SIM1: variants seen among roughly 807,000 people sequenced by gnomAD.
The protein encoded by SIM1 is single-minded homolog 1.
SIM1 carries 18 observed loss-of-function variants against 78.2 expected under a neutral mutation model. The ratio of observed to expected loss-of-function variants is 0.23; its 90% CI spans 0.16 to 0.34. SIM1 has a LOEUF of 0.34. Ranked by LOEUF, SIM1 falls within the 10% of genes least tolerant of loss-of-function variation. The pLI is 1.00. For missense variants in SIM1, 939 were observed against 975.1 expected (o/e 0.96, Z 0.49); for synonymous variants, 417 against 385.2 (o/e 1.08, Z -0.97).
intron 9 of SIM1, among the ~76,000 whole-genome samples, chr6:100,425,366 G>A (rs1362605941): frequency 6.6e-6 from 1 of 152,038 alleles, no homozygotes; most frequent in Non-Finnish European, 1.5e-5. Context: ...AAAATCTATT[G>A]CAGTATGGCC....
chr6:100,454,674 T>C (rs1772600988), intron 2 of SIM1, among the ~76,000 whole-genome samples: 1 of 152,172 alleles, frequency 6.6e-6, no homozygotes, highest in African/African-American at 2.4e-5. Context: ...CCTCTCTTTC[T>C]CTCCTTGGTG....
At chr6:100,406,898 T>C (rs967202802) in intron 10 of SIM1, among the ~76,000 whole-genome samples, 1 of 152,094 alleles carries the variant, frequency 6.6e-6, no homozygotes, top group Non-Finnish European at 1.5e-5. Context: ...TTATTAACTA[T>C]AGTCACCATG....
chr6:100,412,751 GA>G (rs1273434988), intron 10 of SIM1, among the ~76,000 whole-genome samples: 3 of 138,290 alleles, frequency 2.2e-5, no homozygotes, highest in Non-Finnish European at 4.7e-5. Context: ...AAGAAAGAAA[GA>G]AAAAAGAAAA....
intron 9 of SIM1, among the ~76,000 whole-genome samples, chr6:100,424,447 T>C (rs1771672512): frequency 6.6e-6 from 1 of 152,042 alleles, no homozygotes; most frequent in South Asian, 2.1e-4. Flanking sequence ...TCTGTTTTGT[T>C]TTGTTTGAGA....
In SIM1 at chr6:100,460,659, A is replaced by G. The variant is rs369161096; in HGVS notation, c.175+2635T>C. ...CGCCACTAGAAAAGATTACATCCATATAAAGTGATCAGTTTCCCCAACTGC... is the reference window on the plus strand; with the variant it reads ...CGCCACTAGAAAAGATTACATCCATGTAAAGTGATCAGTTTCCCCAACTGC... On this transcript the variant is annotated intron_variant, in intron 2 of 11. Coordinates refer to ENST00000369208, the MANE Select transcript of SIM1 (RefSeq NM_005068.3). 9.8e-5 allele frequency among the ~76,000 whole-genome samples: 15 copies of G among 152,300 alleles called. No homozygotes were observed. The South Asian group carries it at 3.1e-3, about 32-fold the overall frequency.
At position 100,463,674 on chromosome 6, in the gene SIM1, C is replaced by T. The variant is rs1287255697; in HGVS notation, c.-206G>A. 3 of 502,204 alleles carry T rather than the reference C, an allele frequency of 6.0e-6. No homozygotes were observed. The highest frequency in any genetic ancestry group is 3.1e-5 in the East Asian group (1 of 32,138). 31.1% of individuals were successfully genotyped at this position (502,204 alleles called of 1,614,324 possible). On this transcript the variant is annotated 5_prime_UTR_variant, in exon 2 of 12. Transcript: ENST00000369208. ...ACGGAAAATATGTTCTTTGAAAATTCGGGATGCAGTATAGGAAAGTTGCTG... is the reference window on the plus strand; with the variant it reads ...ACGGAAAATATGTTCTTTGAAAATTTGGGATGCAGTATAGGAAAGTTGCTG...
chr6:100,437,816 TG>T (rs1425664533), intron 9 of SIM1, among the ~76,000 whole-genome samples: 1 of 152,118 alleles, frequency 6.6e-6, no homozygotes, highest in East Asian at 1.9e-4. Flanking sequence ...GCACAAAGCT[TG>T]GAGGTTTGTG....
In SIM1 at chr6:100,393,621, A is replaced by G. The variant is rs775519877; in HGVS notation, c.1436T>C (p.Leu479Pro). 1.2e-6 allele frequency: 2 copies of G among 1,614,154 alleles called. No homozygotes were observed. Among genetic ancestry groups the G allele is most frequent in the Admixed American group, 1.7e-5 (1 of 60,032 alleles). ...CTCCCTCCCGGCCTGCGGCGTTCCC[A>G]GGAAGTACCTGCCTGCCTCACATCG... ...GGRCEAGRYF[L>P]GTPQAGREPW... is the part of the protein sequence containing the mutation. The change falls in exon 11 of 12, where the codon CTG becomes CCG. Residue 479 changes from leucine (L) to proline (P), a missense_variant. Coordinates refer to ENST00000369208, the MANE Select transcript of SIM1 (RefSeq NM_005068.3).
chr6:100,413,169 T>TC (rs1228896843), intron 10 of SIM1, among the ~76,000 whole-genome samples: 1 of 152,168 alleles, frequency 6.6e-6, no homozygotes, highest in Non-Finnish European at 1.5e-5. Context: ...ATTTTAATCT[T>TC]CCCCATTGAA....
intron 6 of SIM1, 106 bp from the exon 7 acceptor site, chr6:100,448,784 G>A: frequency 2.0e-6 from 2 of 1,003,650 alleles, no homozygotes; most frequent in Non-Finnish European, 2.9e-6. Flanking sequence ...CCCCAAAGCA[G>A]TGCTGACCAC....
intron 6 of SIM1, 43 bp downstream of exon 6, chr6:100,449,320 G>A (rs1385391499): frequency 1.9e-6 from 3 of 1,540,348 alleles, no homozygotes; most frequent in Admixed American, 1.7e-5. Flanking sequence ...CTTGCTTCCC[G>A]CCTCCTCTGA....
chr6:100,416,988 A>C (rs1001225327), intron 10 of SIM1, among the ~76,000 whole-genome samples: 19 of 151,918 alleles, frequency 1.3e-4, no homozygotes, highest in Non-Finnish European at 2.2e-4. Context: ...TCAAAAAAAA[A>C]AAACAAACTC....
chr6:100,390,626 T>C lies in SIM1; in HGVS notation c.2036A>G (p.His679Arg), dbSNP rs1770613424. 6.2e-7 allele frequency: 1 copy of C among 1,614,104 alleles called. No homozygotes were observed. Among genetic ancestry groups the C allele is most frequent in the African/African-American group, 1.3e-5 (1 of 74,932 alleles). Residue 679 changes from histidine (H) to arginine (R), a missense_variant, in exon 12 of 12, where the codon CAT (histidine) becomes CGT (arginine). His to Arg is a conservative substitution (Grantham distance 29). Coordinates refer to ENST00000369208, the MANE Select transcript of SIM1 (RefSeq NM_005068.3). The stretch of plus-strand genomic sequence containing the variant: ...TGTCTGATGAGGAGATATATCCGAA[T>C]GCAGATAGTCTTTAGCTAGGATCAA... ...SSLILAKDYLHSDISPHQTAG... is the reference protein window; with the variant it reads ...SSLILAKDYLRSDISPHQTAG...
chr6:100,404,194 G>T (rs1001544950), intron 10 of SIM1, among the ~76,000 whole-genome samples: 1 of 152,132 alleles, frequency 6.6e-6, no homozygotes, highest in Non-Finnish European at 1.5e-5. Context: ...TTTGATTACG[G>T]TCGTTAAGAT....
At chr6:100,455,580 C>A (rs1057423967) in intron 2 of SIM1, among the ~76,000 whole-genome samples, 1 of 152,228 alleles carries the variant, frequency 6.6e-6, no homozygotes, top group Admixed American at 6.5e-5. Flanking sequence ...GCGGAGGCCA[C>A]ACGGGGGAAA....
chr6:100,422,665 G>C (rs1181854318), intron 9 of SIM1, among the ~76,000 whole-genome samples: 1 of 152,024 alleles, frequency 6.6e-6, no homozygotes, highest in Non-Finnish European at 1.5e-5. Context: ...ATCGCTAATA[G>C]AGTAGATTTA....
rs777790659 is a variant in SIM1, at chr6:100,393,720, C to T, written c.1337G>A (p.Cys446Tyr). The T allele has an allele frequency of 3.1e-6, 5 of 1,614,112 alleles. No homozygotes were observed. The South Asian group carries it at 3.3e-5, about 11-fold the overall frequency. The change falls in exon 11 of 12, where the codon TGC becomes TAC. Residue 446 changes from cysteine to tyrosine, a missense_variant. Around this residue, in one of 5 missense-constraint regions of SIM1, gnomAD observed 556 missense variants for 521.9 expected, o/e 1.07. Coordinates refer to ENST00000369208, the MANE Select transcript of SIM1 (RefSeq NM_005068.3). ...CGAGTGGTCAAGCGCAAAGCCATAG[C>T]AGAGAGAGCTGCGGTCCGAAAACTG... ...YRQFSDRSSL[C>Y]YGFALDHSRL...
chr6:100,455,461 C>T (rs1299662112), intron 2 of SIM1, among the ~76,000 whole-genome samples: 2 of 152,242 alleles, frequency 1.3e-5, no homozygotes, highest in African/African-American at 2.4e-5. Flanking sequence ...TATCGCTCTT[C>T]CCCTTTCAGC....
intron 10 of SIM1, among the ~76,000 whole-genome samples, chr6:100,397,532 T>G (rs778133460): frequency 1.3e-5 from 2 of 151,784 alleles, no homozygotes; most frequent in Non-Finnish European, 2.9e-5. Flanking sequence ...ACTCAAAAGG[T>G]TCACAGACTT....
Sources: gnomAD v4.1 joint callset for allele counts (sites outside exome capture counted in the v4.1 genomes callset) on GRCh38, gnomAD v4.1.1 for gene constraint, gnomAD v4.1.1 regional missense constraint, MANE v1.5 for transcripts, NCBI Gene and HGNC (gene_info 2026-07-23, HGNC 2026-07-21) for gene names.